Variants in TIGAR observed in about 807,000 individuals in gnomAD.
TIGAR encodes the protein fructose-2,6-bisphosphatase TIGAR.
In TIGAR, 7 loss-of-function variants were observed where a neutral mutation model predicts 17.9. The observed-to-expected ratio is 0.39, with a 90% CI of 0.22 to 0.73. TIGAR has a LOEUF of 0.73. Among genes scored for constraint, TIGAR ranks in the 30% least tolerant of loss-of-function variants. TIGAR has a pLI of 0.42. For missense variants in TIGAR, 258 were observed against 327.4 expected (o/e 0.79, Z 1.64); for synonymous variants, 94 against 108.6 (o/e 0.87, Z 0.84).
intron 3 of TIGAR, among the ~76,000 whole-genome samples, chr12:4,345,214 CT>C (rs1864766718): frequency 6.6e-6 from 1 of 152,188 alleles, no homozygotes; most frequent in Non-Finnish European, 1.5e-5. Context: ...ATGCCATCCC[CT>C]TCGAGCTACC....
In TIGAR at chr12:4,357,648, C is replaced by T. The variant is rs1864919996; in HGVS notation, c.*4957C>T. Among the ~76,000 whole-genome samples, 1 of 152,066 alleles carries T rather than the reference C, an allele frequency of 6.6e-6. No homozygotes were observed. Among genetic ancestry groups the T allele is most frequent in the South Asian group, 2.1e-4 (1 of 4,830 alleles). ...CAGTGCTTTAAAAACTTTAGGATTT[C>T]CCCCCACAGTTCTCAATCACTTGGT... On this transcript the variant is annotated 3_prime_UTR_variant, in exon 6 of 6. Transcript: ENST00000179259.
intron 1 of TIGAR, among the ~76,000 whole-genome samples, chr12:4,328,230 C>A (rs766118562): frequency 6.6e-6 from 1 of 151,826 alleles, no homozygotes; most frequent in Non-Finnish European, 1.5e-5. Context: ...TTGCTTTTGT[C>A]GCCCAGGCTG....
rs1864477867 is a variant in TIGAR at position 4,321,542 on chromosome 12, A to G, written c.32+239A>G. Among the ~76,000 whole-genome samples, 1 of 152,122 alleles carries G rather than the reference A, an allele frequency of 6.6e-6. No homozygotes were observed. The highest frequency in any genetic ancestry group is 2.4e-5 in the African/African-American group (1 of 41,446). On this transcript the variant is annotated intron_variant, in intron 1 of 5. Coordinates refer to ENST00000179259, the MANE Select transcript of TIGAR (RefSeq NM_020375.3). This position sits in a 1 kb window ranked among gnomAD's most constrained non-coding sequence, Gnocchi z 5.2. Reference sequence around the variant, plus strand: ...CTTAGATAGCTTCGTTCCGTGTTTCAGATAAAGTGAGGCCCGGAGGAGCAA... The same window carrying G: ...CTTAGATAGCTTCGTTCCGTGTTTCGGATAAAGTGAGGCCCGGAGGAGCAA...
chr12:4,343,376 A>G (rs1864745699), intron 3 of TIGAR, among the ~76,000 whole-genome samples: 1 of 152,210 alleles, frequency 6.6e-6, no homozygotes, highest in South Asian at 2.1e-4. Flanking sequence ...CTCTGCACCA[A>G]GCACACCTAA....
chr12:4,336,548 A>G (rs1271388614), intron 2 of TIGAR, among the ~76,000 whole-genome samples: 1 of 151,850 alleles, frequency 6.6e-6, no homozygotes. Context: ...CAGAGTGTCC[A>G]GCCAACCGTT....
chr12:4,337,148 G>C lies in TIGAR; in HGVS notation c.180G>C (p.Met60Ile), dbSNP rs1209687321. 2 of 1,610,512 alleles carry C rather than the reference G, an allele frequency of 1.2e-6. No homozygotes were observed. The highest frequency in any genetic ancestry group is 2.7e-5 in the African/African-American group (2 of 74,866). ...CTCATGCTTTCTCCAGTGATCTCAT[G>C]AGGACAAAGCAGGTACATTTATTTA... ...KFTHAFSSDL[M>I]RTKQTMHGIL... is the part of the protein sequence containing the mutation. The change falls in exon 3 of 6, where the codon ATG becomes ATC. Residue 60 changes from methionine to isoleucine, a missense_variant. Physicochemically the swap from Met to Ile is conservative, Grantham distance 10. Transcript: ENST00000179259.
At chr12:4,324,701 A>G (rs999553420) in intron 1 of TIGAR, 7 of 895,704 alleles carry the variant, frequency 7.8e-6, no homozygotes, top group African/African-American at 1.7e-5. Flanking sequence ...CACGCACTGT[A>G]CAGCTGCGTC....
intron 3 of TIGAR, among the ~76,000 whole-genome samples, chr12:4,339,678 C>T (rs866913932): frequency 6.6e-6 from 1 of 152,070 alleles, no homozygotes; most frequent in African/African-American, 2.4e-5. Context: ...TCAACAATAC[C>T]ATTAGAAAGA....
intron 4 of TIGAR, among the ~76,000 whole-genome samples, chr12:4,350,438 T>C (rs780747326): frequency 1.1e-4 from 17 of 152,162 alleles, no homozygotes; most frequent in Non-Finnish European, 2.1e-4. Flanking sequence ...ACACCAACAA[T>C]TGGTATTATT....
At chr12:4,338,452 C>T (rs11063091) in intron 3 of TIGAR, among the ~76,000 whole-genome samples, 2 of 152,046 alleles carry the variant, frequency 1.3e-5, no homozygotes, top group African/African-American at 4.8e-5. Flanking sequence ...GGAGACAAAA[C>T]TTGGAATTTG....
At chr12:4,334,081 C>T (rs989904480) in intron 2 of TIGAR, among the ~76,000 whole-genome samples, 9 of 151,702 alleles carry the variant, frequency 5.9e-5, no homozygotes, top group Non-Finnish European at 1.0e-4. Flanking sequence ...TTCTTACTTT[C>T]CCCACTACCT....
intron 1 of TIGAR, chr12:4,324,504 G>A: frequency 5.6e-6 from 9 of 1,609,016 alleles, no homozygotes; most frequent in Non-Finnish European, 7.6e-6. Flanking sequence ...CCACCTGGTT[G>A]AAGGTCTTGC....
chr12:4,331,674 T>C (rs940374854), intron 2 of TIGAR, among the ~76,000 whole-genome samples: 3 of 152,232 alleles, frequency 2.0e-5, no homozygotes, highest in Non-Finnish European at 2.9e-5. Context: ...CTGGTGTTAA[T>C]GGTATTTTTT....
chr12:4,333,752 C>A (rs1473028299), intron 2 of TIGAR, among the ~76,000 whole-genome samples: 1 of 152,162 alleles, frequency 6.6e-6, no homozygotes, highest in Non-Finnish European at 1.5e-5. Flanking sequence ...GCGTTAGCCA[C>A]CGCGCCTGGC....
At chr12:4,351,068 A>G (rs1328122648) in intron 4 of TIGAR, among the ~76,000 whole-genome samples, 199 bp from the exon 5 acceptor site, 1 of 152,206 alleles carries the variant, frequency 6.6e-6, no homozygotes, top group Non-Finnish European at 1.5e-5. Context: ...GTACAACTTA[A>G]GATTTCAATT....
At chr12:4,332,762 A>G (rs1005942123) in intron 2 of TIGAR, among the ~76,000 whole-genome samples, 4 of 152,212 alleles carry the variant, frequency 2.6e-5, no homozygotes, top group Non-Finnish European at 4.4e-5. Context: ...TGTATGCTTC[A>G]GAAAAATGTA....
intron 1 of TIGAR, among the ~76,000 whole-genome samples, chr12:4,330,103 G>A (rs1440623593): frequency 2.6e-5 from 4 of 152,062 alleles, no homozygotes; most frequent in Non-Finnish European, 2.9e-5. Context: ...GTAAACAAGC[G>A]GCAAGATTCC....
intron 3 of TIGAR, among the ~76,000 whole-genome samples, chr12:4,340,669 A>C (rs1247313492): frequency 6.6e-6 from 1 of 152,210 alleles, no homozygotes; most frequent in Non-Finnish European, 1.5e-5. Context: ...TAGAAACCAA[A>C]ATAGCATGGT....
At position 4,321,488 on chromosome 12, in the gene TIGAR, C is replaced by T. The variant is rs1188629470; in HGVS notation, c.32+185C>T. Among the ~76,000 whole-genome samples the T allele has an allele frequency of 6.6e-6, 1 of 152,204 alleles. No individual in the cohort carries two copies. The highest frequency in any genetic ancestry group is 2.4e-5 in the African/African-American group (1 of 41,456). On this transcript the variant is annotated intron_variant, in intron 1 of 5. Transcript: ENST00000179259. The surrounding 1 kb of genome is among the most constrained non-coding windows in gnomAD (Gnocchi z 5.2). ...CGTCCCGTGTCGCCCCTCCTCTCAC[C>T]CCAGCAGCCCCGAGGGACGACGGCA...
Sources: allele counts gnomAD v4.1 joint callset (sites outside exome capture counted in the v4.1 genomes callset), GRCh38; gene constraint gnomAD v4.1.1; non-coding constraint Gnocchi (gnomAD v3.1); transcripts MANE v1.5; gene names NCBI Gene and HGNC (gene_info 2026-07-23, HGNC 2026-07-21).